Variants in KANSL1L observed in about 807,000 individuals in gnomAD.
KANSL1L encodes the protein KAT8 regulatory NSL complex subunit 1 like.
A neutral mutation model predicts 108.6 loss-of-function variants in KANSL1L; 25 were observed. The observed-to-expected ratio is 0.23, with a 90% CI of 0.17 to 0.32. The LOEUF (loss-of-function observed/expected upper bound fraction) is 0.32, where lower values mean the gene tolerates loss of function less well. Ranked by LOEUF, KANSL1L falls within the 10% of genes least tolerant of loss-of-function variation. The probability of loss-of-function intolerance (pLI) is 1.00; values close to 1 mark genes in which losing one functional copy is unlikely to be tolerated. For missense variants in KANSL1L, 1,137 were observed against 1,125.7 expected, an observed-to-expected ratio of 1.01 and a Z score of -0.14; for synonymous variants, 405 against 395.1, an observed-to-expected ratio of 1.03 and a Z score of -0.30.
intron 6 of KANSL1L, among the ~76,000 whole-genome samples, chr2:210,069,554 G>C (rs2094491483): frequency 6.6e-6 from 1 of 152,008 alleles, no homozygotes; most frequent in African/African-American, 2.4e-5. Context: ...ATTACCATAA[G>C]GTGAGTGATT....
At chr2:210,039,635 C>G (rs908170739) in intron 8 of KANSL1L, among the ~76,000 whole-genome samples, 5 of 151,702 alleles carry the variant, frequency 3.3e-5, no homozygotes, top group Non-Finnish European at 5.9e-5. Context: ...CTTTCTTCTT[C>G]TAATTGCTTC....
At chr2:210,103,794 C>T (rs2094819319) in intron 4 of KANSL1L, among the ~76,000 whole-genome samples, 1 of 151,844 alleles carries the variant, frequency 6.6e-6, no homozygotes, top group African/African-American at 2.4e-5. Flanking sequence ...GTTCTCTCTC[C>T]TTGAAAAAAA....
At chr2:210,149,497 G>A (rs115646393) in intron 2 of KANSL1L, among the ~76,000 whole-genome samples, 1,640 of 152,124 alleles carry the variant, frequency 0.011, 17 homozygotes, top group Non-Finnish European at 0.018. Context: ...GGTATTTTAT[G>A]TTTAAAGTTT....
intron 5 of KANSL1L, among the ~76,000 whole-genome samples, chr2:210,095,666 G>T (rs1340300454): frequency 6.6e-6 from 1 of 151,962 alleles, no homozygotes; most frequent in African/African-American, 2.4e-5. Flanking sequence ...AAAATCGTTT[G>T]TTTTACATGG....
chr2:210,094,840 T>A (rs565897302), intron 5 of KANSL1L, among the ~76,000 whole-genome samples: 12 of 151,386 alleles, frequency 7.9e-5, no homozygotes, highest in African/African-American at 2.9e-4. Context: ...AAAAAAAAAA[T>A]TCTTAGAAAC....
intron 3 of KANSL1L, among the ~76,000 whole-genome samples, chr2:210,123,515 G>A (rs1441357906): frequency 5.9e-5 from 9 of 151,910 alleles, no homozygotes; most frequent in Non-Finnish European, 1.3e-4. Flanking sequence ...GTAGAATGAT[G>A]ATTACTAGAG....
At chr2:210,082,701 T>C (rs2094599777) in intron 5 of KANSL1L, among the ~76,000 whole-genome samples, 1 of 152,238 alleles carries the variant, frequency 6.6e-6, no homozygotes, top group African/African-American at 2.4e-5. Flanking sequence ...AATAGGGACT[T>C]ATTCAACATA....
chr2:210,087,475 G>A (rs1454050876), intron 5 of KANSL1L, among the ~76,000 whole-genome samples: 2 of 152,078 alleles, frequency 1.3e-5, no homozygotes, highest in Non-Finnish European at 2.9e-5. Flanking sequence ...AGACAGCCAC[G>A]AAAGCAACAA....
chr2:210,028,691 G>C, intron 11 of KANSL1L, 154 bp downstream of exon 11: 1 of 595,670 alleles, frequency 1.7e-6, no homozygotes, highest in South Asian at 2.2e-5. Context: ...TAACACTTAA[G>C]GCACGAGTAA....
chr2:210,131,847 G>A (rs2095123779), intron 2 of KANSL1L, among the ~76,000 whole-genome samples: 1 of 151,676 alleles, frequency 6.6e-6, no homozygotes, highest in African/African-American at 2.4e-5. Flanking sequence ...TTACAGGCAT[G>A]TACCACCACA....
intron 2 of KANSL1L, among the ~76,000 whole-genome samples, chr2:210,134,257 TTTCA>T (rs2095153853): frequency 6.6e-6 from 1 of 152,162 alleles, no homozygotes; most frequent in South Asian, 2.1e-4. Flanking sequence ...GTTCAATTTC[TTTCA>T]TTATGTTCAC....
At chr2:210,094,266 C>A (rs1048469539) in intron 5 of KANSL1L, among the ~76,000 whole-genome samples, 1 of 151,752 alleles carries the variant, frequency 6.6e-6, no homozygotes, top group Non-Finnish European at 1.5e-5. Context: ...CTTACCTGCC[C>A]ATTTATTATA....
At chr2:210,033,145 A>C (rs573489700) in intron 8 of KANSL1L, among the ~76,000 whole-genome samples, 1 of 152,200 alleles carries the variant, frequency 6.6e-6, no homozygotes, top group East Asian at 1.9e-4. Context: ...AAAGGAGGGA[A>C]TAGTTGAAGA....
intron 5 of KANSL1L, among the ~76,000 whole-genome samples, chr2:210,085,346 A>G (rs370824573): frequency 4.6e-5 from 7 of 152,194 alleles, no homozygotes; most frequent in African/African-American, 1.7e-4. Context: ...GAAGTTTTCC[A>G]CAATAAGAGT....
chr2:210,099,285 A>C (rs2094770024), intron 4 of KANSL1L, among the ~76,000 whole-genome samples: 1 of 152,190 alleles, frequency 6.6e-6, no homozygotes. Context: ...GACGTAGTTC[A>C]ACATTTTCAA....
intron 2 of KANSL1L, among the ~76,000 whole-genome samples, chr2:210,138,748 T>C (rs553979123): frequency 1.3e-5 from 2 of 152,294 alleles, no homozygotes; most frequent in Non-Finnish European, 2.9e-5. Context: ...ACTTTTTCTA[T>C]GGTGGGAACA....
intron 11 of KANSL1L, among the ~76,000 whole-genome samples, chr2:210,027,556 T>C (rs891204187): frequency 3.3e-5 from 5 of 152,238 alleles, no homozygotes; most frequent in Non-Finnish European, 2.9e-5. Context: ...TTTGGCCTTA[T>C]GGTGAATAGT....
chr2:210,130,500 T>C (rs1177752340), intron 2 of KANSL1L, among the ~76,000 whole-genome samples: 2 of 152,190 alleles, frequency 1.3e-5, no homozygotes, highest in Non-Finnish European at 2.9e-5. Flanking sequence ...GGATTTTACA[T>C]TATATCAATG....
intron 5 of KANSL1L, among the ~76,000 whole-genome samples, chr2:210,087,649 C>T (rs1221761778): frequency 6.6e-6 from 1 of 152,146 alleles, no homozygotes; most frequent in Non-Finnish European, 1.5e-5. Context: ...CTAAGGAAAA[C>T]AACAGTTCAG....
Sources: allele counts gnomAD v4.1 joint callset (sites outside exome capture counted in the v4.1 genomes callset), GRCh38; gene constraint gnomAD v4.1.1; transcripts MANE v1.5; gene names NCBI Gene and HGNC (gene_info 2026-07-23, HGNC 2026-07-21).